Variants in TRIP11 observed in about 807,000 individuals in gnomAD.
TRIP11 encodes the protein thyroid hormone receptor interactor 11.
TRIP11 carries 148 observed loss-of-function variants against 223.1 expected under a neutral mutation model. The observed-to-expected ratio is 0.66, with a 90% confidence interval of 0.58 to 0.76. TRIP11 has a LOEUF of 0.76. Ranked by LOEUF, TRIP11 falls within the 30% of genes least tolerant of loss-of-function variation. The pLI, the probability that TRIP11 is intolerant of heterozygous loss-of-function variation, is 0.00. For missense variants in TRIP11, 2,043 were observed against 2,222.0 expected (o/e 0.92, Z 1.62); for synonymous variants, 762 against 772.6 (o/e 0.99, Z 0.23).
At chr14:91,994,258 CTTTTTTTTTT>C (rs539125037) in intron 14 of TRIP11, among the ~76,000 whole-genome samples, 1 of 127,452 alleles carries the variant, frequency 7.8e-6, no homozygotes, top group Non-Finnish European at 1.6e-5. Flanking sequence ...ACCTCAAAAA[CTTTTTTTTTT>C]TTTTTTTTTT....
chr14:91,992,295 G>A (rs983105445), intron 15 of TRIP11, among the ~76,000 whole-genome samples: 2 of 151,942 alleles, frequency 1.3e-5, no homozygotes, highest in Non-Finnish European at 2.9e-5. Context: ...TAACATTTTG[G>A]AATAGTGGTT....
At chr14:92,009,143 T>C (rs1366039851) in intron 9 of TRIP11, among the ~76,000 whole-genome samples, 6 of 152,230 alleles carry the variant, frequency 3.9e-5, no homozygotes, top group Non-Finnish European at 8.8e-5. Flanking sequence ...CACAGACATT[T>C]TCTTTAGGTA....
At chr14:91,985,186 G>A (rs1220655538) in intron 16 of TRIP11, among the ~76,000 whole-genome samples, 1 of 152,010 alleles carries the variant, frequency 6.6e-6, no homozygotes, top group Non-Finnish European at 1.5e-5. Flanking sequence ...GATCACTGTT[G>A]TGCATCACTG....
rs1293390274 is a variant in TRIP11, at chr14:91,978,585, A to G, written c.5261-2396T>C. 6.6e-6 allele frequency among the ~76,000 whole-genome samples: 1 copy of G among 152,080 alleles called. No homozygotes were observed. The highest frequency in any genetic ancestry group is 2.4e-5 in the African/African-American group (1 of 41,406). ...ATGATCACAGCTCACTGCAGCCTCA[A>G]ACTCCTGGGGTCAAGCCATCCTCCT... On this transcript the variant is annotated intron_variant, in intron 16 of 20. Coordinates refer to ENST00000267622, the MANE Select transcript of TRIP11 (RefSeq NM_004239.4). This position sits in a 1 kb window ranked among gnomAD's most constrained non-coding sequence, Gnocchi z 4.4.
At chr14:92,012,280 T>C (rs907741822) in intron 7 of TRIP11, among the ~76,000 whole-genome samples, 2 of 152,188 alleles carry the variant, frequency 1.3e-5, no homozygotes, top group African/African-American at 2.4e-5. Flanking sequence ...TTTGGTATTA[T>C]AGATAGATCT....
intron 18 of TRIP11, 85 bp from the exon 19 acceptor site, chr14:91,974,828 G>T: frequency 9.0e-7 from 1 of 1,106,230 alleles, no homozygotes; most frequent in Non-Finnish European, 1.3e-6. Flanking sequence ...ATTTCTGATA[G>T]TTGTAAAGCA....
At chr14:92,013,019 A>G (rs2056991292) in intron 7 of TRIP11, among the ~76,000 whole-genome samples, 1 of 152,248 alleles carries the variant, frequency 6.6e-6, no homozygotes, top group Admixed American at 6.5e-5. Context: ...CTGTAATCCC[A>G]GCACTTTGGG....
intron 7 of TRIP11, 34 bp downstream of exon 7, chr14:92,014,181 C>T (rs373379752): frequency 1.9e-6 from 3 of 1,613,344 alleles, no homozygotes; most frequent in Non-Finnish European, 2.5e-6. Context: ...TGCAATGAAA[C>T]AGCAATCTGA....
intron 6 of TRIP11, among the ~76,000 whole-genome samples, chr14:92,014,922 G>C (rs200967867): frequency 1.4e-5 from 1 of 70,770 alleles, no homozygotes; most frequent in Non-Finnish European, 2.8e-5. Context: ...TTTTTTTTTT[G>C]AGATGGAGTC....
At chr14:92,033,296 T>C (rs754698559) in intron 1 of TRIP11, 43 bp from the exon 2 acceptor site, 3 of 1,403,920 alleles carry the variant, frequency 2.1e-6, no homozygotes, top group Non-Finnish European at 3.0e-6. Context: ...ATCAATACCA[T>C]ATGAAGTAAT....
chr14:92,005,644 G>C lies in TRIP11; in HGVS notation c.2332C>G (p.Leu778Val). The C allele has an allele frequency of 6.2e-7, 1 of 1,613,718 alleles. No homozygotes were observed. Among genetic ancestry groups the C allele is most frequent in the Non-Finnish European group, 8.5e-7 (1 of 1,179,992 alleles). The change falls in exon 11 of 21, where the codon CTC (leucine) becomes GTC (valine). Residue 778 changes from leucine to valine, a missense_variant. Transcript: ENST00000267622. ...NQKKDMEIAELKKNIEQMDTD... is the reference protein window; with the variant it reads ...NQKKDMEIAEVKKNIEQMDTD... ...TCCATTTGTTCAATATTCTTTTTGA[G>C]TTCTGCTATTTCCATGTCTTTCTTT...
chr14:92,000,354 C>T (rs1326693780), intron 11 of TRIP11, among the ~76,000 whole-genome samples: 1 of 152,098 alleles, frequency 6.6e-6, no homozygotes, highest in Admixed American at 6.5e-5. Flanking sequence ...GGAGCCATGA[C>T]ATCTAAATAT....
At chr14:91,976,256 G>A in intron 16 of TRIP11, 67 bp from the exon 17 acceptor site, 1 of 1,299,610 alleles carries the variant, frequency 7.7e-7, no homozygotes, top group South Asian at 1.2e-5. Flanking sequence ...ACTATATAAT[G>A]AAATTTATGA....
chr14:91,993,729 G>A, intron 15 of TRIP11, 80 bp downstream of exon 15: 1 of 1,154,152 alleles, frequency 8.7e-7, no homozygotes, highest in Non-Finnish European at 1.3e-6. Context: ...CAGTTTAGGA[G>A]ATTATTTCCA....
rs1566858029 is a variant in TRIP11, at chr14:92,003,476, GCACT to G, written c.4496_4499del (p.Glu1499AlafsTer4). ...CAAGAGCCTTCTCCTTCATTGAGTG[GCACT>G]CAAACTCTTTTTCTCGCAGCATCAT... On this transcript the variant is annotated frameshift_variant, in exon 11 of 21. Transcript: ENST00000267622. LOFTEE classifies it high-confidence loss of function. 2.5e-6 allele frequency: 4 copies of G among 1,613,882 alleles called. No homozygotes were observed. The African/African-American group carries it at 4.0e-5, about 16-fold the overall frequency.
chr14:91,975,915 C>G (rs11851669), intron 17 of TRIP11, among the ~76,000 whole-genome samples, 193 bp downstream of exon 17: 2 of 151,924 alleles, frequency 1.3e-5, no homozygotes, highest in East Asian at 3.9e-4. Context: ...GAAAAAAATC[C>G]ACATTAAAAA....
chr14:92,006,561 C>T, intron 10 of TRIP11, 113 bp from the exon 11 acceptor site: 1 of 1,158,154 alleles, frequency 8.6e-7, no homozygotes, highest in Non-Finnish European at 1.2e-6. Context: ...ATTTCTAATC[C>T]TTCTTAAAAA....
chr14:92,031,482 C>T (rs1284368245), intron 2 of TRIP11, among the ~76,000 whole-genome samples: 2 of 152,130 alleles, frequency 1.3e-5, no homozygotes, highest in Non-Finnish European at 2.9e-5. Flanking sequence ...GAGGCTGAAG[C>T]AGAAGGATCA....
At chr14:92,024,013 G>A (rs767681569) in intron 3 of TRIP11, among the ~76,000 whole-genome samples, 1 of 151,578 alleles carries the variant, frequency 6.6e-6, no homozygotes, top group South Asian at 2.1e-4. Flanking sequence ...ACGCCACCAC[G>A]TCCGGCTAAT....
Sources: allele counts gnomAD v4.1 joint callset (sites outside exome capture counted in the v4.1 genomes callset), GRCh38; gene constraint gnomAD v4.1.1; non-coding constraint Gnocchi (gnomAD v3.1); transcripts MANE v1.5; gene names NCBI Gene and HGNC (gene_info 2026-07-23, HGNC 2026-07-21).